Variants in MYO1E observed in about 807,000 individuals in gnomAD.
The protein encoded by MYO1E is unconventional myosin-Ie.
A neutral mutation model predicts 151.1 loss-of-function variants in MYO1E; 68 were observed. The observed-to-expected ratio is 0.45, with a 90% CI of 0.37 to 0.55. The LOEUF (loss-of-function observed/expected upper bound fraction) is 0.55. MYO1E is among the 20% of genes least tolerant of loss of function. The probability of loss-of-function intolerance (pLI) is 0.00; values close to 1 mark genes in which losing one functional copy is unlikely to be tolerated. For synonymous variants in MYO1E, 601 were observed against 501.7 expected, an observed-to-expected ratio of 1.20 and a Z score of -2.64; for missense variants, 1,363 against 1,389.3, an observed-to-expected ratio of 0.98 and a Z score of 0.30.
chr15:59,231,230 G>C (rs1045226919), intron 6 of MYO1E, among the ~76,000 whole-genome samples: 5 of 152,178 alleles, frequency 3.3e-5, no homozygotes, highest in African/African-American at 1.2e-4. Context: ...CTCGCTCTGA[G>C]GGATGGAGAG....
At chr15:59,353,757 CAAAAA>C (rs11366940) in intron 1 of MYO1E, among the ~76,000 whole-genome samples, 15 of 129,872 alleles carry the variant, frequency 1.2e-4, no homozygotes, top group African/African-American at 4.0e-4. Context: ...AACTCCGTCT[CAAAAA>C]AAAAAAAAAA....
chr15:59,224,636 G>A, intron 8 of MYO1E, 53 bp downstream of exon 8: 5 of 1,612,400 alleles, frequency 3.1e-6, no homozygotes, highest in Non-Finnish European at 3.4e-6. Context: ...TTTGGCCACA[G>A]GAAATGGCCA....
rs913555698 is a variant in MYO1E at position 59,137,301 on chromosome 15, T to A, written c.*79A>T. 7.9e-7 allele frequency: 1 copy of A among 1,272,108 alleles called. No homozygotes were observed. Among genetic ancestry groups the A allele is most frequent in the Admixed American group, 1.7e-5 (1 of 58,862 alleles). 78.8% of individuals were successfully genotyped at this position (1,272,108 alleles called of 1,614,324 possible). On this transcript the variant is annotated 3_prime_UTR_variant, in exon 28 of 28. Transcript: ENST00000288235. ...AGAAGCAATTGCTCATTGTGGATTG[T>A]AAGGGGAGCCCCTAAATATCCCCTC... is the stretch of plus-strand genomic sequence containing the variant.
intron 17 of MYO1E, among the ~76,000 whole-genome samples, chr15:59,194,793 C>G (rs2079755903): frequency 6.6e-6 from 1 of 152,222 alleles, no homozygotes; most frequent in Non-Finnish European, 1.5e-5. Context: ...CAGGCTCCTC[C>G]TCAATGCCGC....
intron 22 of MYO1E, among the ~76,000 whole-genome samples, chr15:59,164,753 G>A (rs1324742249): frequency 6.6e-6 from 1 of 152,214 alleles, no homozygotes; most frequent in African/African-American, 2.4e-5. Context: ...GACTATCTCA[G>A]GCTTGTCAGG....
chr15:59,213,274 G>A (rs1274670432), intron 12 of MYO1E, among the ~76,000 whole-genome samples: 2 of 151,804 alleles, frequency 1.3e-5, no homozygotes, highest in Admixed American at 1.3e-4. Flanking sequence ...GGGTTCAAGC[G>A]ATTCTCCTGC....
chr15:59,155,988 G>C (rs1338613227), intron 25 of MYO1E, among the ~76,000 whole-genome samples: 1 of 152,040 alleles, frequency 6.6e-6, no homozygotes, highest in Non-Finnish European at 1.5e-5. Context: ...TCATGTCTCA[G>C]CCTTGTGAGT....
Position 59,138,256 on chromosome 15 carries a change from A to G in MYO1E, c.3192T>C (p.Ala1064=). The G allele has an allele frequency of 6.2e-7, 1 of 1,614,208 alleles. No homozygotes were observed. Among genetic ancestry groups the G allele is most frequent in the Non-Finnish European group, 8.5e-7 (1 of 1,180,042 alleles). Residue 1064 remains alanine, a synonymous_variant, in exon 27 of 28, where the codon GCT becomes GCC. Transcript: ENST00000288235. ...TAAAGCTGAGTTCGTCTGTGTCCTGAGCGTCATAGGCATACAAAGCCTTGC... is the reference window on the plus strand; with the variant it reads ...TAAAGCTGAGTTCGTCTGTGTCCTGGGCGTCATAGGCATACAAAGCCTTGC... ...PQCKALYAYD[A]QDTDELSFNA...
At chr15:59,253,615 G>A (rs762366738) in intron 4 of MYO1E, among the ~76,000 whole-genome samples, 4 of 151,318 alleles carry the variant, frequency 2.6e-5, no homozygotes, top group Non-Finnish European at 5.9e-5. Context: ...CCAAGTAGCT[G>A]GGACTACAGG....
chr15:59,198,681 C>T (rs2079782811), intron 16 of MYO1E, among the ~76,000 whole-genome samples: 1 of 151,964 alleles, frequency 6.6e-6, no homozygotes, highest in South Asian at 2.1e-4. Flanking sequence ...ATTAGCTGAG[C>T]ATGGTGGTGC....
chr15:59,236,387 C>T (rs1160180316), intron 5 of MYO1E, among the ~76,000 whole-genome samples, 198 bp downstream of exon 5: 5 of 133,232 alleles, frequency 3.8e-5, no homozygotes, highest in African/African-American at 1.1e-4. Flanking sequence ...CACACACACA[C>T]ACACACACAC....
At chr15:59,179,528 T>C (rs559410446) in intron 18 of MYO1E, among the ~76,000 whole-genome samples, 10 of 152,238 alleles carry the variant, frequency 6.6e-5, no homozygotes, top group African/African-American at 2.4e-4. Flanking sequence ...TGAGGTGCTG[T>C]GATTGAAGCT....
At chr15:59,300,866 CT>C (rs58955743) in intron 1 of MYO1E, among the ~76,000 whole-genome samples, 3,538 of 127,072 alleles carry the variant, frequency 0.028, 67 homozygotes, top group African/African-American at 0.077. Context: ...CCTTTTTTTT[CT>C]TTTTTTTTTT....
At chr15:59,273,188 T>C (rs766142736) in intron 1 of MYO1E, among the ~76,000 whole-genome samples, 1 of 152,356 alleles carries the variant, frequency 6.6e-6, no homozygotes, top group East Asian at 1.9e-4. Flanking sequence ...TAGATGAAGC[T>C]GTGGCCCTCA....
intron 1 of MYO1E, among the ~76,000 whole-genome samples, chr15:59,295,760 C>A (rs1389137844): frequency 6.6e-6 from 1 of 152,146 alleles, no homozygotes; most frequent in Non-Finnish European, 1.5e-5. Context: ...AATTCCCCTC[C>A]TGCTTTGGAG....
intron 1 of MYO1E, among the ~76,000 whole-genome samples, chr15:59,343,129 T>A (rs1485296917): frequency 6.6e-6 from 1 of 152,230 alleles, no homozygotes; most frequent in Non-Finnish European, 1.5e-5. Flanking sequence ...GATTTCTCAT[T>A]GCTTGTTAAC....
intron 1 of MYO1E, among the ~76,000 whole-genome samples, chr15:59,336,926 T>TC (rs1405146517): frequency 2.0e-5 from 3 of 152,144 alleles, no homozygotes; most frequent in African/African-American, 2.4e-5. Context: ...CATGAACTCA[T>TC]CCTTTTTTAT....
At chr15:59,241,279 G>T (rs1160985211) in intron 4 of MYO1E, among the ~76,000 whole-genome samples, 1 of 152,174 alleles carries the variant, frequency 6.6e-6, no homozygotes, top group Non-Finnish European at 1.5e-5. Flanking sequence ...CAATGTGGGA[G>T]GCCACGGGAG....
At chr15:59,291,379 A>G (rs1163159556) in intron 1 of MYO1E, among the ~76,000 whole-genome samples, 10 of 152,150 alleles carry the variant, frequency 6.6e-5, no homozygotes, top group African/African-American at 2.2e-4. Flanking sequence ...ATTCAAGTTC[A>G]CCGGAGTTAA....
Sources: allele counts gnomAD v4.1 joint callset (sites outside exome capture counted in the v4.1 genomes callset), GRCh38; gene constraint gnomAD v4.1.1; transcripts MANE v1.5; gene names NCBI Gene and HGNC (gene_info 2026-07-23, HGNC 2026-07-21).